TNFRSF19: variants seen among roughly 807,000 people sequenced by gnomAD.
TNFRSF19 encodes TNF receptor superfamily member 19, also known as tumor necrosis factor receptor superfamily member 19.
Under a neutral mutation model 46.4 loss-of-function variants are expected in TNFRSF19, and 27 were observed. The observed-to-expected ratio is 0.58, with a 90% confidence interval of 0.43 to 0.80. TNFRSF19 has a LOEUF of 0.80. Ranked by LOEUF, TNFRSF19 falls within the 30% of genes least tolerant of loss-of-function variation. The pLI is 0.00. For synonymous variants in TNFRSF19, 204 were observed against 205.0 expected (o/e 1.00, Z 0.04); for missense variants, 511 against 530.8 (o/e 0.96, Z 0.37).
intron 5 of TNFRSF19, among the ~76,000 whole-genome samples, chr13:23,649,144 G>C (rs1355596534): frequency 1.3e-5 from 2 of 152,270 alleles, no homozygotes; most frequent in African/African-American, 4.8e-5. Flanking sequence ...TTTGAGAAGT[G>C]TTGGAGTTAA....
At chr13:23,605,606 A>G (rs1411754379) in intron 3 of TNFRSF19, among the ~76,000 whole-genome samples, 2 of 152,194 alleles carry the variant, frequency 1.3e-5, no homozygotes, top group Non-Finnish European at 2.9e-5. Context: ...TGTGATCCCT[A>G]CAATGGAATA....
chr13:23,630,189 G>C (rs546250375), intron 5 of TNFRSF19, among the ~76,000 whole-genome samples: 1 of 151,318 alleles, frequency 6.6e-6, no homozygotes, highest in East Asian at 1.9e-4. Context: ...TTTGATTCTA[G>C]CTACTTGGGA....
In TNFRSF19 at chr13:23,660,392, A is replaced by G; in HGVS notation, c.638A>G (p.Tyr213Cys). ...TCTCTGCGGTCACAGGACATTCAGT[A>G]CAACGGCTCTGAGCTGTCGTGTTTT... ...SWSLRSQDIQ[Y>C]NGSELSCFDR... Residue 213 changes from tyrosine to cysteine, a missense_variant, in exon 7 of 10, where the codon TAC becomes TGC. Physicochemically the swap from Tyr to Cys is radical, Grantham distance 194 (BLOSUM62 -2). Around this residue, in one of 3 missense-constraint regions of TNFRSF19, gnomAD observed 376 missense variants for 372.7 expected, o/e 1.01. Coordinates refer to ENST00000248484, the MANE Select transcript of TNFRSF19 (RefSeq NM_148957.4). 6.2e-7 allele frequency: 1 copy of G among 1,614,000 alleles called. No homozygotes were observed. The highest frequency in any genetic ancestry group is 8.5e-7 in the Non-Finnish European group (1 of 1,180,030).
intron 1 of TNFRSF19, among the ~76,000 whole-genome samples, chr13:23,576,308 AT>A (rs551407062): frequency 1.6e-3 from 238 of 151,952 alleles, no homozygotes; most frequent in Non-Finnish European, 2.5e-3. Context: ...TAATTTTTGT[AT>A]TTTTACAGAG....
chr13:23,671,230 A>G (rs1435287835), intron 9 of TNFRSF19, among the ~76,000 whole-genome samples: 1 of 152,228 alleles, frequency 6.6e-6, no homozygotes, highest in Non-Finnish European at 1.5e-5. Context: ...CTTTCAACTC[A>G]AATCATTATG....
At chr13:23,577,437 T>C (rs910096014) in intron 1 of TNFRSF19, among the ~76,000 whole-genome samples, 3 of 152,240 alleles carry the variant, frequency 2.0e-5, no homozygotes, top group African/African-American at 4.8e-5. Flanking sequence ...ATTTGAATGA[T>C]TGATACTGTC....
chr13:23,615,816 T>A, intron 3 of TNFRSF19, 51 bp from the exon 4 acceptor site: 1 of 1,500,602 alleles, frequency 6.7e-7, no homozygotes, highest in African/African-American at 1.4e-5. Context: ...GTCTTTCCTT[T>A]TCACGCTTGC....
intron 1 of TNFRSF19, among the ~76,000 whole-genome samples, chr13:23,583,608 A>T (rs550508875): frequency 2.0e-5 from 3 of 152,334 alleles, no homozygotes; most frequent in East Asian, 3.9e-4. Flanking sequence ...TGTGTGTCTG[A>T]AGACTGAGTG....
intron 3 of TNFRSF19, among the ~76,000 whole-genome samples, chr13:23,598,385 A>T (rs1879892003): frequency 6.6e-6 from 1 of 152,190 alleles, no homozygotes; most frequent in South Asian, 2.1e-4. Flanking sequence ...ACAGTTATAT[A>T]TATATATAAA....
chr13:23,629,471 C>T (rs1049057687), intron 5 of TNFRSF19, among the ~76,000 whole-genome samples: 12 of 152,316 alleles, frequency 7.9e-5, no homozygotes, highest in East Asian at 3.9e-4. Flanking sequence ...CCCAGTACCA[C>T]GCCTATCTGT....
intron 5 of TNFRSF19, among the ~76,000 whole-genome samples, chr13:23,656,909 C>T (rs151250502): frequency 6.6e-5 from 10 of 152,264 alleles, no homozygotes; most frequent in African/African-American, 2.2e-4. Context: ...CCTTTTGTGA[C>T]TCTGTCCAGT....
chr13:23,582,946 CTTGT>C (rs1030184228), intron 1 of TNFRSF19, among the ~76,000 whole-genome samples: 3 of 152,132 alleles, frequency 2.0e-5, no homozygotes, highest in Admixed American at 6.5e-5. Context: ...TGCACCATAA[CTTGT>C]TTATTTCTTG....
At chr13:23,614,465 G>A (rs1437068189) in intron 3 of TNFRSF19, among the ~76,000 whole-genome samples, 5 of 152,056 alleles carry the variant, frequency 3.3e-5, no homozygotes, top group Non-Finnish European at 1.5e-5. Flanking sequence ...AAATTTTACA[G>A]AAAAAATGGG....
chr13:23,592,714 T>C (rs750643610), intron 2 of TNFRSF19, among the ~76,000 whole-genome samples: 3 of 152,192 alleles, frequency 2.0e-5, no homozygotes, highest in Non-Finnish European at 4.4e-5. Flanking sequence ...GTCCTGATTG[T>C]TAGAAATTAT....
At chr13:23,669,297 A>G (rs1951714014) in intron 9 of TNFRSF19, 200 bp downstream of exon 9, 1 of 1,395,480 alleles carries the variant, frequency 7.2e-7, no homozygotes, top group Non-Finnish European at 9.2e-7. Flanking sequence ...TATAAGAGCA[A>G]AGTGGACAGC....
intron 1 of TNFRSF19, among the ~76,000 whole-genome samples, chr13:23,587,747 G>A (rs1358076576): frequency 6.6e-6 from 1 of 152,060 alleles, no homozygotes; most frequent in African/African-American, 2.4e-5. Flanking sequence ...TTGTTTCCTT[G>A]GACCTTCAGT....
intron 5 of TNFRSF19, among the ~76,000 whole-genome samples, chr13:23,645,234 A>T (rs528619154): frequency 6.6e-6 from 1 of 152,264 alleles, no homozygotes; most frequent in South Asian, 2.1e-4. Flanking sequence ...AGACAGTCTC[A>T]CTATGTTGCC....
chr13:23,610,963 G>A (rs1268067207), intron 3 of TNFRSF19, among the ~76,000 whole-genome samples: 1 of 152,024 alleles, frequency 6.6e-6, no homozygotes, highest in Non-Finnish European at 1.5e-5. Context: ...TACAGACTAC[G>A]GGGTATTTTA....
Position 23,667,636 on chromosome 13 carries a change from CTG to C in TNFRSF19, c.737-341_737-340del, listed in dbSNP as rs561526395. The stretch of plus-strand genomic sequence containing the variant: ...TTCAGTGGCGTTAAGTACATTCTCA[CTG>C]TGGTGCAGCCATCACCACCATTCAC... On this transcript the variant is annotated intron_variant, in intron 7 of 9. Transcript: ENST00000248484. Among the ~76,000 whole-genome samples, 141 of 152,318 alleles carry C rather than the reference CTG, an allele frequency of 9.3e-4. 2 individuals carry two copies. Among genetic ancestry groups the C allele is most frequent in the African/African-American group, 3.2e-3 (135 of 41,566 alleles).
Sources: gnomAD v4.1 joint callset for allele counts (sites outside exome capture counted in the v4.1 genomes callset) on GRCh38, gnomAD v4.1.1 for gene constraint, gnomAD v4.1.1 regional missense constraint, MANE v1.5 for transcripts, NCBI Gene and HGNC (gene_info 2026-07-23, HGNC 2026-07-21) for gene names.